The following FGF12 variants were observed in gnomAD, a reference collection of about 807,000 sequenced individuals.
FGF12 encodes fibroblast growth factor 12B.
A neutral mutation model predicts 23.6 loss-of-function variants in FGF12; 14 were observed. The observed-to-expected ratio is 0.59, with a 90% CI of 0.39 to 0.93. FGF12 has a LOEUF of 0.93. Among genes scored for constraint, FGF12 ranks in the 40% least tolerant of loss-of-function variants. FGF12 has a pLI of 0.00. For synonymous variants in FGF12, 62 were observed against 77.3 expected, an observed-to-expected ratio of 0.80 and a Z score of 1.04; for missense variants, 175 against 217.8, an observed-to-expected ratio of 0.80 and a Z score of 1.24.
intron 2 of FGF12, among the ~76,000 whole-genome samples, chr3:192,379,476 T>C (rs943675995): frequency 6.7e-6 from 1 of 150,332 alleles, no homozygotes; most frequent in Non-Finnish European, 1.5e-5. Flanking sequence ...TGTACTCTGT[T>C]ATCTTCAACA....
intron 2 of FGF12, among the ~76,000 whole-genome samples, chr3:192,460,959 A>G (rs1306940592): frequency 2.6e-5 from 4 of 152,166 alleles, no homozygotes; most frequent in Non-Finnish European, 5.9e-5. Context: ...TATCCAGAGT[A>G]CATATATTCA....
At chr3:192,599,148 A>G (rs866547350) in intron 2 of FGF12, among the ~76,000 whole-genome samples, 2 of 151,966 alleles carry the variant, frequency 1.3e-5, no homozygotes, top group African/African-American at 4.8e-5. Context: ...ATTAGAAGAA[A>G]TACCTAATGT....
intron 2 of FGF12, among the ~76,000 whole-genome samples, chr3:192,578,005 T>C (rs904005594): frequency 2.0e-5 from 3 of 152,112 alleles, no homozygotes; most frequent in Non-Finnish European, 4.4e-5. Context: ...CAAGGTCTAG[T>C]GAAAGGGGTT....
chr3:192,296,992 C>A (rs577476831), intron 4 of FGF12, among the ~76,000 whole-genome samples: 82 of 152,256 alleles, frequency 5.4e-4, no homozygotes, highest in African/African-American at 1.9e-3. Flanking sequence ...CAAATGAGAA[C>A]CGAAATTCTT....
At position 192,531,419 on chromosome 3, in the gene FGF12, AAAAAG is replaced by A. The variant is rs536064619; in HGVS notation, c.14-170886_14-170882del. On this transcript the variant is annotated intron_variant, in intron 2 of 5. Coordinates refer to ENST00000445105, the MANE Select transcript of FGF12 (RefSeq NM_004113.6). ...AGTCTGCCTTGAGGTTTGTTGTGGC[AAAAAG>A]AAAAAAGAAAGAAAGAAAAGGAAAT... Among the ~76,000 whole-genome samples, 377 of 152,332 alleles carry A rather than the reference AAAAAG, an allele frequency of 2.5e-3. 2 individuals are homozygous for A. Among genetic ancestry groups the A allele is most frequent in the Non-Finnish European group, 3.9e-3 (266 of 68,024 alleles).
chr3:192,335,292 T>C (rs1717339383), intron 4 of FGF12, 69 bp downstream of exon 4: 1 of 994,870 alleles, frequency 1.0e-6, no homozygotes, highest in Non-Finnish European at 1.6e-6. Context: ...CCTAACATGA[T>C]GGTTACTCCA....
intron 2 of FGF12, among the ~76,000 whole-genome samples, chr3:192,545,636 A>G (rs1250399183): frequency 6.6e-6 from 1 of 152,246 alleles, no homozygotes; most frequent in African/African-American, 2.4e-5. Flanking sequence ...AGCTTCCAGA[A>G]GAAAACAAAA....
chr3:192,613,079 AT>A (rs910558665), intron 2 of FGF12, among the ~76,000 whole-genome samples: 8 of 150,148 alleles, frequency 5.3e-5, no homozygotes, highest in African/African-American at 2.0e-4. Context: ...CTTATTTACC[AT>A]TTTTTTTCTG....
chr3:192,166,973 A>G (rs190266169), intron 5 of FGF12, among the ~76,000 whole-genome samples: 251 of 152,216 alleles, frequency 1.6e-3, no homozygotes, highest in African/African-American at 5.8e-3. Context: ...AAAGAAAATC[A>G]TTCTAAAGGA....
chr3:192,710,143 T>C (rs1467297111), intron 2 of FGF12, among the ~76,000 whole-genome samples: 2 of 152,156 alleles, frequency 1.3e-5, no homozygotes, highest in South Asian at 2.1e-4. Context: ...CTACAGTATA[T>C]TGGATAAACT....
Position 192,454,977 on chromosome 3 carries a change from TTAA to T in FGF12, c.14-94442_14-94440del, listed in dbSNP as rs765291903. ...CTTTCTCTAATAATTATTTTAATTA[TTAA>T]TTTCAAATGGGGAGAATACTTTTTT... On this transcript the variant is annotated intron_variant, in intron 2 of 5. Transcript: ENST00000445105. Among the ~76,000 whole-genome samples, 298 of 152,302 alleles carry T rather than the reference TTAA, an allele frequency of 2.0e-3. 1 individual carries two copies. Among genetic ancestry groups the T allele is most frequent in the Middle Eastern group, 3.4e-3 (1 of 294 alleles).
intron 4 of FGF12, among the ~76,000 whole-genome samples, chr3:192,217,972 G>A (rs1407700697): frequency 6.6e-6 from 1 of 151,992 alleles, no homozygotes; most frequent in Non-Finnish European, 1.5e-5. Context: ...GAGTAGCTGG[G>A]ATTACAGACG....
At chr3:192,447,358 G>T (rs1263784376) in intron 2 of FGF12, among the ~76,000 whole-genome samples, 1 of 151,824 alleles carries the variant, frequency 6.6e-6, no homozygotes, top group Non-Finnish European at 1.5e-5. Context: ...GAAACATTGG[G>T]GTCTTTAAAG....
chr3:192,542,866 A>T (rs1401059180), intron 2 of FGF12, among the ~76,000 whole-genome samples: 2 of 152,164 alleles, frequency 1.3e-5, no homozygotes, highest in Non-Finnish European at 2.9e-5. Context: ...CAAACAGCTC[A>T]GCTCTGTGCT....
chr3:192,600,012 C>T (rs1714043003), intron 2 of FGF12, among the ~76,000 whole-genome samples: 2 of 151,936 alleles, frequency 1.3e-5, no homozygotes, highest in African/African-American at 4.8e-5. Flanking sequence ...AGTAGTTTTA[C>T]AGTTTCAGGT....
intron 2 of FGF12, among the ~76,000 whole-genome samples, chr3:192,559,595 T>A (rs555011046): frequency 6.6e-6 from 1 of 152,126 alleles, no homozygotes; most frequent in South Asian, 2.1e-4. Flanking sequence ...TGTATACATA[T>A]GTAACAAACC....
chr3:192,647,438 C>T lies in FGF12; in HGVS notation c.13+79743G>A, dbSNP rs7613438. ...AATTCATCCAACATTCTGAAGACTG[C>T]CAAGGTAAGATTTAAAATTTTATTA... On this transcript the variant is annotated intron_variant, in intron 2 of 5. Coordinates refer to ENST00000445105, the MANE Select transcript of FGF12 (RefSeq NM_004113.6). Among the ~76,000 whole-genome samples the T allele has an allele frequency of 7.2e-3, 1,090 of 151,856 alleles. 16 individuals carry two copies. The highest frequency in any genetic ancestry group is 0.025 in the African/African-American group (1,041 of 41,424).
intron 2 of FGF12, among the ~76,000 whole-genome samples, chr3:192,542,331 T>C (rs1285897927): frequency 6.6e-6 from 1 of 152,214 alleles, no homozygotes; most frequent in African/African-American, 2.4e-5. Flanking sequence ...CTCCAGAATT[T>C]CTGCATAATT....
At chr3:192,189,596 G>T (rs1716670710) in intron 4 of FGF12, among the ~76,000 whole-genome samples, 1 of 152,116 alleles carries the variant, frequency 6.6e-6, no homozygotes, top group Non-Finnish European at 1.5e-5. Flanking sequence ...GCTGACTAGT[G>T]TCTTTATCAG....
Sources: allele counts gnomAD v4.1 joint callset (sites outside exome capture counted in the v4.1 genomes callset), GRCh38; gene constraint gnomAD v4.1.1; transcripts MANE v1.5; gene names NCBI Gene and HGNC (gene_info 2026-07-23, HGNC 2026-07-21).